IGSF11: variants seen among roughly 807,000 people sequenced by gnomAD.
The protein encoded by IGSF11 is immunoglobulin superfamily member 11, also known as CXADR like 1.
In IGSF11, 22 loss-of-function variants were observed where a neutral mutation model predicts 41.0. That is an observed-to-expected ratio of 0.54 (90% CI 0.38 to 0.77). The LOEUF (loss-of-function observed/expected upper bound fraction) is 0.77. Ranked by LOEUF, IGSF11 falls within the 30% of genes least tolerant of loss-of-function variation. The probability of loss-of-function intolerance (pLI) is 0.00; values close to 1 mark genes in which losing one functional copy is unlikely to be tolerated. For missense variants in IGSF11, 444 were observed against 530.8 expected (o/e 0.84, Z 1.61); for synonymous variants, 219 against 201.3 (o/e 1.09, Z -0.74).
At chr3:119,065,235 A>T (rs1474006309) in intron 1 of IGSF11, among the ~76,000 whole-genome samples, 1 of 152,196 alleles carries the variant, frequency 6.6e-6, no homozygotes, top group Non-Finnish European at 1.5e-5. Flanking sequence ...AAATTTTCTC[A>T]AATACCTTCT....
chr3:119,063,388 C>T (rs1169248650), intron 1 of IGSF11, among the ~76,000 whole-genome samples: 2 of 152,188 alleles, frequency 1.3e-5, no homozygotes, highest in Non-Finnish European at 2.9e-5. Context: ...TGAAGCAAAA[C>T]TGTGCATTTT....
At chr3:118,939,689 G>C (rs1485328919) in intron 1 of IGSF11, among the ~76,000 whole-genome samples, 1 of 152,056 alleles carries the variant, frequency 6.6e-6, no homozygotes, top group Admixed American at 6.6e-5. Flanking sequence ...CAAAATTTAT[G>C]GGGAAGCAAC....
At chr3:119,062,167 A>T (rs1186917921) in intron 1 of IGSF11, among the ~76,000 whole-genome samples, 1 of 152,190 alleles carries the variant, frequency 6.6e-6, no homozygotes, top group African/African-American at 2.4e-5. Flanking sequence ...TATTACCATT[A>T]TTAGTAGAAT....
chr3:119,040,452 G>C (rs1467953879), intron 1 of IGSF11, among the ~76,000 whole-genome samples: 1 of 152,078 alleles, frequency 6.6e-6, no homozygotes, highest in Non-Finnish European at 1.5e-5. Flanking sequence ...TTTCTCTATT[G>C]CAATTCCCCT....
intron 1 of IGSF11, chr3:118,943,060 C>T (rs1050743197): frequency 6.6e-6 from 1 of 152,220 alleles, no homozygotes; most frequent in Non-Finnish European, 1.5e-5. Context: ...CACAACATTC[C>T]ATGTGTCCTA....
At chr3:119,142,198 C>T (rs1164357861) in intron 1 of IGSF11, among the ~76,000 whole-genome samples, 1 of 148,076 alleles carries the variant, frequency 6.8e-6, no homozygotes, top group Non-Finnish European at 1.5e-5. Context: ...TGGCGTGAAC[C>T]TGGGAGGCGG....
rs570220639 is a variant in IGSF11, at chr3:119,132,913, C to T, written c.-14+12900G>A. Among the ~76,000 whole-genome samples, 10 of 152,286 alleles carry T rather than the reference C, an allele frequency of 6.6e-5. No homozygotes were observed. In the South Asian group the frequency reaches 1.9e-3, roughly 28 times the overall value. ...AATTAAAACTTAATACTAAGAAACT[C>T]ACTCAAAACCACACAACTACATGGA... On this transcript the variant is annotated intron_variant, in intron 1 of 7. Coordinates refer to the IGSF11 transcript ENST00000425327.
intron 1 of IGSF11, among the ~76,000 whole-genome samples, chr3:119,085,635 C>A (rs757846375): frequency 1.3e-5 from 2 of 152,070 alleles, no homozygotes; most frequent in Non-Finnish European, 2.9e-5. Context: ...TCCAAGGAAG[C>A]CAAACAATCC....
At chr3:118,921,713 T>G (rs1941814077) in intron 4 of IGSF11, among the ~76,000 whole-genome samples, 1 of 152,136 alleles carries the variant, frequency 6.6e-6, no homozygotes, top group Non-Finnish European at 1.5e-5. Flanking sequence ...CACTCTTACA[T>G]ACATTATTCT....
intron 1 of IGSF11, among the ~76,000 whole-genome samples, chr3:119,084,814 G>A (rs1007318133): frequency 1.3e-5 from 2 of 152,238 alleles, no homozygotes; most frequent in Non-Finnish European, 2.9e-5. Flanking sequence ...AGGACCTGGA[G>A]GAGGGAGCCA....
intron 1 of IGSF11, among the ~76,000 whole-genome samples, chr3:119,134,678 A>C (rs1409997076): frequency 6.6e-6 from 1 of 152,116 alleles, no homozygotes; most frequent in African/African-American, 2.4e-5. Flanking sequence ...CCCATCAAGC[A>C]AAATGACTTT....
chr3:119,065,530 C>T (rs902679031), intron 1 of IGSF11, among the ~76,000 whole-genome samples: 9 of 152,112 alleles, frequency 5.9e-5, no homozygotes, highest in East Asian at 5.8e-4. Context: ...CAGTGGCACA[C>T]GCCTGTAATC....
intron 1 of IGSF11, among the ~76,000 whole-genome samples, chr3:119,122,065 C>CA (rs1261827565): frequency 6.6e-6 from 1 of 152,064 alleles, no homozygotes; most frequent in East Asian, 1.9e-4. Flanking sequence ...AGTATCTACA[C>CA]AAAAAAGTAC....
rs376307753 is a variant in IGSF11, at chr3:118,975,363, T to TAA, written c.53-45090_53-45089dup. Among the ~76,000 whole-genome samples, 1,398 of 140,710 alleles carry TAA rather than the reference T, an allele frequency of 9.9e-3. 18 individuals carry two copies. The highest frequency in any genetic ancestry group is 0.033 in the African/African-American group (1,268 of 37,928). The allele number at this position is 140,710 out of a possible 152,430, so 92.3% of individuals were successfully genotyped here. A position where few individuals can be genotyped will look rare whatever the true frequency, so the allele number is the denominator to read the frequency against. ...AATAAATTTGTAGCCCTGCTGGATT[T>TAA]AAAAAAAAAAAAAAAAGATGTGCTC... On this transcript the variant is annotated intron_variant, in intron 1 of 6. Coordinates refer to ENST00000393775, the MANE Select transcript of IGSF11 (RefSeq NM_001015887.3).
At chr3:118,944,769 A>T (rs1332273868) in intron 1 of IGSF11, 1 of 152,214 alleles carries the variant, frequency 6.6e-6, no homozygotes, top group African/African-American at 2.4e-5. Flanking sequence ...TTCATCAAGA[A>T]CTTATGTGCC....
At chr3:118,987,603 G>A (rs935717531) in intron 1 of IGSF11, among the ~76,000 whole-genome samples, 3 of 152,158 alleles carry the variant, frequency 2.0e-5, no homozygotes, top group African/African-American at 7.2e-5. Flanking sequence ...GAGTTAAAAG[G>A]GCTACGATTC....
chr3:118,926,762 GT>G (rs1276756990), intron 3 of IGSF11, among the ~76,000 whole-genome samples: 1 of 152,090 alleles, frequency 6.6e-6, no homozygotes, highest in Non-Finnish European at 1.5e-5. Flanking sequence ...TTAAACTAAG[GT>G]TCAGGTAAAA....
upstream of IGSF11, among the ~76,000 whole-genome samples, chr3:119,039,312 T>C (rs1941027936): frequency 6.6e-6 from 1 of 151,370 alleles, no homozygotes; most frequent in Non-Finnish European, 1.5e-5. Flanking sequence ...ATCATTTTCT[T>C]ACCTTTTTCA....
intron 2 of IGSF11, among the ~76,000 whole-genome samples, chr3:118,929,220 C>T (rs1361570876): frequency 6.6e-6 from 1 of 152,300 alleles, no homozygotes; most frequent in African/African-American, 2.4e-5. Context: ...AATGACATAA[C>T]AAAAAGCCCT....
Sources: allele counts gnomAD v4.1 joint callset (sites outside exome capture counted in the v4.1 genomes callset), GRCh38; gene constraint gnomAD v4.1.1; transcripts MANE v1.5; gene names NCBI Gene and HGNC (gene_info 2026-07-23, HGNC 2026-07-21).